Variants in UBAP2 observed in about 807,000 individuals in gnomAD.
The protein encoded by UBAP2 is ubiquitin associated protein 2, also known as ubiquitin-associated protein 2.
A neutral mutation model predicts 139.6 loss-of-function variants in UBAP2; 75 were observed. The observed-to-expected ratio is 0.54, with a 90% CI of 0.45 to 0.65. UBAP2 has a LOEUF of 0.65. Among genes scored for constraint, UBAP2 ranks in the 30% least tolerant of loss-of-function variants. The pLI is 0.00. For synonymous variants in UBAP2, 526 were observed against 526.2 expected, an observed-to-expected ratio of 1.00 and a Z score of 0.01; for missense variants, 1,368 against 1,369.6, an observed-to-expected ratio of 1.00 and a Z score of 0.02.
intron 2 of UBAP2, among the ~76,000 whole-genome samples, chr9:34,010,008 T>A (rs1052860017): frequency 6.7e-6 from 1 of 148,854 alleles, no homozygotes; most frequent in African/African-American, 2.5e-5. Context: ...AGTTTCTCCA[T>A]CTTGGTCAGG....
chr9:33,994,636 A>C (rs1007451679), intron 4 of UBAP2: 2 of 151,752 alleles, frequency 1.3e-5, no homozygotes, highest in African/African-American at 4.8e-5. Context: ...AAACTATTCA[A>C]AATTTTAATT....
At chr9:33,976,161 A>C (rs1327382830) in intron 6 of UBAP2, among the ~76,000 whole-genome samples, 2 of 152,246 alleles carry the variant, frequency 1.3e-5, no homozygotes, top group Non-Finnish European at 2.9e-5. Context: ...ATTAGCTCTA[A>C]GAAGAAAACT....
intron 10 of UBAP2, among the ~76,000 whole-genome samples, chr9:33,957,242 T>A (rs930208535): frequency 2.0e-5 from 3 of 152,216 alleles, no homozygotes; most frequent in African/African-American, 7.2e-5. Flanking sequence ...TTTTAAAAAA[T>A]TAATTTTATC....
chr9:33,951,836 A>G (rs1440520641), intron 12 of UBAP2, among the ~76,000 whole-genome samples: 2 of 152,202 alleles, frequency 1.3e-5, no homozygotes, highest in East Asian at 1.9e-4. Flanking sequence ...CATAGATTTC[A>G]GCAAGGGCAT....
Position 33,944,578 on chromosome 9 carries a change from G to A in UBAP2, c.1332C>T (p.His444=). The A allele has an allele frequency of 6.2e-7, 1 of 1,614,166 alleles. No homozygotes were observed. Among genetic ancestry groups the A allele is most frequent in the Non-Finnish European group, 8.5e-7 (1 of 1,180,028 alleles). ...VLSQLSQRQQ[H]QSQAVTVPPP... is the part of the protein sequence containing the mutation. ...GAGGAACAGTGACTGCCTGGCTCTG[G>A]TGCTGTTGTCGCTGGCTCAACTGGC... The change falls in exon 14 of 29, where the codon CAC becomes CAT. Residue 444 remains histidine (H), a synonymous_variant. Coordinates refer to ENST00000379238, the MANE Select transcript of UBAP2 (RefSeq NM_001370062.2).
chr9:33,939,221 T>C (rs1195481770), intron 16 of UBAP2, among the ~76,000 whole-genome samples: 1 of 120,988 alleles, frequency 8.3e-6, no homozygotes, highest in East Asian at 2.3e-4. Flanking sequence ...TGAGATGGAG[T>C]CTTGCTCTGT....
chr9:34,026,514 T>C (rs1052756945), intron 1 of UBAP2, among the ~76,000 whole-genome samples: 7 of 152,202 alleles, frequency 4.6e-5, no homozygotes, highest in African/African-American at 1.7e-4. Context: ...CACTGAGTCA[T>C]GAGACCAGTG....
intron 16 of UBAP2, among the ~76,000 whole-genome samples, 188 bp downstream of exon 16, chr9:33,941,461 T>G (rs1825194676): frequency 6.6e-6 from 1 of 152,156 alleles, no homozygotes; most frequent in Non-Finnish European, 1.5e-5. Context: ...TGCAGATCTA[T>G]CCACACACTC....
chr9:34,017,051 T>G lies in UBAP2; in HGVS notation c.98A>C (p.Gln33Pro). 1 of 1,585,556 alleles carries G rather than the reference T, an allele frequency of 6.3e-7. No individual in the cohort carries two copies. The highest frequency in any genetic ancestry group is 1.2e-5 in the South Asian group (1 of 85,142). Residue 33 changes from glutamine (Q) to proline (P), a missense_variant and splice_region_variant, in exon 2 of 29, where the codon CAG (glutamine) becomes CCG (proline). Transcript: ENST00000379238. ...QSTQPQKQVV[Q>P]ATAEQMRLAQ... ...AAAAAGAGTTCCACAAAAACTTACCTGTACCACTTGTTTCTGTGGTTGCGT... is the reference window on the plus strand; with the variant it reads ...AAAAAGAGTTCCACAAAAACTTACCGGTACCACTTGTTTCTGTGGTTGCGT...
chr9:33,922,652 C>T (rs775480917), intron 28 of UBAP2, 35 bp downstream of exon 28: 28 of 1,587,256 alleles, frequency 1.8e-5, no homozygotes, highest in Non-Finnish European at 1.7e-6. Context: ...ACCCCTGGCC[C>T]AGAGTAGGGT....
chr9:33,943,616 G>C, intron 14 of UBAP2, 27 bp from the exon 15 acceptor site: 2 of 1,611,988 alleles, frequency 1.2e-6, no homozygotes, highest in South Asian at 1.1e-5. Context: ...GTCGTGTCAG[G>C]AACAGAGGTC....
intron 3 of UBAP2, 122 bp from the exon 4 acceptor site, chr9:33,996,455 CTT>C (rs1286841991): frequency 1.1e-5 from 7 of 655,546 alleles, no homozygotes; most frequent in South Asian, 6.0e-5. Flanking sequence ...CTTCTAGACT[CTT>C]GAGTTTACAA....
chr9:34,039,738 CCA>C (rs1826867800), intron 1 of UBAP2, among the ~76,000 whole-genome samples: 1 of 151,552 alleles, frequency 6.6e-6, no homozygotes, highest in South Asian at 2.1e-4. Context: ...CCTAGGAAAA[CCA>C]GAGACCCTTG....
Position 33,948,434 on chromosome 9 carries a change from T to C in UBAP2, c.1210A>G (p.Thr404Ala). ...TQQNSTSHPT[T>A]TTSWDLKPPT... ...GGCTTGAGGTCCCAAGAAGTAGTAG[T>C]TGTAGGGTGACTTGTACTATTCTGC... The change falls in exon 13 of 29, where the codon ACT becomes GCT. Residue 404 changes from threonine (T) to alanine (A), a missense_variant. Coordinates refer to ENST00000379238, the MANE Select transcript of UBAP2 (RefSeq NM_001370062.2). 2 of 1,613,922 alleles carry C rather than the reference T, an allele frequency of 1.2e-6. No homozygotes were observed. The highest frequency in any genetic ancestry group is 1.7e-6 in the Non-Finnish European group (2 of 1,179,910).
chr9:33,965,819 C>T (rs1233989462), intron 8 of UBAP2, among the ~76,000 whole-genome samples: 3 of 149,536 alleles, frequency 2.0e-5, no homozygotes, highest in East Asian at 2.0e-4. Context: ...GAGGCCGAGG[C>T]GGGTAGATCA....
intron 1 of UBAP2, among the ~76,000 whole-genome samples, chr9:34,035,208 A>G (rs1187154185): frequency 6.6e-6 from 1 of 151,726 alleles, no homozygotes; most frequent in African/African-American, 2.4e-5. Context: ...CTGTCATTCA[A>G]AACATTTCAT....
chr9:33,935,701 A>C, intron 17 of UBAP2, 138 bp downstream of exon 17: 2 of 1,013,808 alleles, frequency 2.0e-6, no homozygotes, highest in Non-Finnish European at 3.1e-6. Flanking sequence ...CACCTGGTCC[A>C]AAAACAAAAA....
intron 6 of UBAP2, among the ~76,000 whole-genome samples, chr9:33,983,933 A>G (rs307700): frequency 0.32 from 48,425 of 151,270 alleles, 8,356 homozygotes; most frequent in African/African-American, 0.45. Flanking sequence ...TTTATTTGAG[A>G]CAGAGCATCA....
chr9:33,987,361 G>A (rs1352476862), intron 5 of UBAP2, among the ~76,000 whole-genome samples: 4 of 152,094 alleles, frequency 2.6e-5, no homozygotes, highest in Non-Finnish European at 5.9e-5. Flanking sequence ...GCAGTGAGCC[G>A]AGATCTCCTC....
Sources: gnomAD v4.1 joint callset for allele counts (sites outside exome capture counted in the v4.1 genomes callset) on GRCh38, gnomAD v4.1.1 for gene constraint, MANE v1.5 for transcripts, NCBI Gene and HGNC (gene_info 2026-07-23, HGNC 2026-07-21) for gene names.